SRGAP1: variants seen among roughly 807,000 people sequenced by gnomAD.
SRGAP1 encodes the protein SLIT-ROBO Rho GTPase activating protein 1, also known as SLIT-ROBO Rho GTPase-activating protein 1.
Under a neutral mutation model 121.9 loss-of-function variants are expected in SRGAP1, and 43 were observed. The ratio of observed to expected loss-of-function variants is 0.35; its 90% CI spans 0.28 to 0.46. SRGAP1 has a LOEUF of 0.46. Among genes scored for constraint, SRGAP1 ranks in the 20% least tolerant of loss-of-function variants. The pLI, the probability that SRGAP1 is intolerant of heterozygous loss-of-function variation, is 1.00. For missense variants in SRGAP1, 1,102 were observed against 1,350.9 expected, an observed-to-expected ratio of 0.82 and a Z score of 2.89; for synonymous variants, 447 against 485.4, an observed-to-expected ratio of 0.92 and a Z score of 1.04.
intron 8 of SRGAP1, among the ~76,000 whole-genome samples, chr12:64,075,361 T>TTGG (rs1450739770): frequency 2.0e-5 from 3 of 152,234 alleles, no homozygotes; most frequent in Non-Finnish European, 4.4e-5. Flanking sequence ...GTTTTCCGAC[T>TTGG]TGGGCGGGCC....
chr12:64,026,935 T>C (rs567941859), intron 4 of SRGAP1, among the ~76,000 whole-genome samples: 29 of 152,020 alleles, frequency 1.9e-4, no homozygotes, highest in African/African-American at 6.8e-4. Context: ...CTCAGAGAGA[T>C]TAAGTGATTC....
rs539144147 is a variant in SRGAP1 at position 64,148,600 on chromosome 12, A to G, written c.*5928A>G. ...GCATCTGGCCAGGTATTTTTCTTTA[A>G]ATATAAAAAAAAGATAACTTGAGGT... is the stretch of plus-strand genomic sequence containing the variant. On this transcript the variant is annotated 3_prime_UTR_variant, in exon 22 of 22. Coordinates refer to ENST00000355086, the MANE Select transcript of SRGAP1 (RefSeq NM_020762.4). The G allele has an allele frequency of 6.6e-6, 1 of 151,750 alleles. No individual in the cohort carries two copies. The allele number at this position is 151,750 out of a possible 1,614,324, so 9.4% of individuals were successfully genotyped here.
At chr12:63,866,078 C>T (rs1899620335) in intron 1 of SRGAP1, among the ~76,000 whole-genome samples, 1 of 152,130 alleles carries the variant, frequency 6.6e-6, no homozygotes, top group African/African-American at 2.4e-5. Flanking sequence ...TTTTGCTCAG[C>T]TCATGAGGCA....
intron 1 of SRGAP1, among the ~76,000 whole-genome samples, chr12:63,949,186 T>TATTTTTTCTATATATATA (rs57672780): frequency 1.6e-5 from 2 of 124,318 alleles, no homozygotes; most frequent in Non-Finnish European, 1.7e-5. Context: ...TCCATATATA[T>TATTTTTTCTATATATATA]TTTTTTTTCC....
intron 1 of SRGAP1, among the ~76,000 whole-genome samples, chr12:63,961,470 C>A (rs1052639920): frequency 1.3e-5 from 2 of 152,194 alleles, no homozygotes; most frequent in South Asian, 2.1e-4. Context: ...CAGTCTTGGG[C>A]TGTATGGATG....
intron 15 of SRGAP1, among the ~76,000 whole-genome samples, chr12:64,101,350 T>TGTGTGTGTGA (rs1244966634): frequency 2.0e-5 from 3 of 150,196 alleles, no homozygotes; most frequent in Non-Finnish European, 3.0e-5. Context: ...TGTGTGTGTG[T>TGTGTGTGTGA]GATGAGTAGT....
At position 64,031,833 on chromosome 12, in the gene SRGAP1, C is replaced by G. The variant is rs145632473; in HGVS notation, c.490-10957C>G. Among the ~76,000 whole-genome samples, 376 of 152,280 alleles carry G rather than the reference C, an allele frequency of 2.5e-3. 2 individuals carry two copies. The highest frequency in any genetic ancestry group is 4.7e-3 in the Non-Finnish European group (319 of 68,034). On this transcript the variant is annotated intron_variant, in intron 4 of 21. Coordinates refer to ENST00000355086, the MANE Select transcript of SRGAP1 (RefSeq NM_020762.4). ...GAGGTATAAAGTTAGATTTGATTGT[C>G]TCCCTAATTTTGATCCTGTAGAGAG...
intron 15 of SRGAP1, among the ~76,000 whole-genome samples, chr12:64,102,980 G>C (rs1186337690): frequency 6.6e-6 from 1 of 152,022 alleles, no homozygotes; most frequent in East Asian, 1.9e-4. Context: ...TCTCAATAAA[G>C]CTGTTGTTAA....
intron 20 of SRGAP1, 41 bp downstream of exon 20, chr12:64,127,765 C>T (rs747418963): frequency 8.7e-6 from 14 of 1,608,214 alleles, no homozygotes; most frequent in Non-Finnish European, 1.1e-5. Flanking sequence ...GCCTCCGCTC[C>T]TCCTGGGGCC....
chr12:63,966,045 C>G (rs1592989064), intron 1 of SRGAP1, among the ~76,000 whole-genome samples: 1 of 152,318 alleles, frequency 6.6e-6, no homozygotes, highest in East Asian at 1.9e-4. Flanking sequence ...GTCTTGAACT[C>G]CTGACCTCAA....
At chr12:64,071,675 G>C (rs1375563052) in intron 8 of SRGAP1, among the ~76,000 whole-genome samples, 1 of 152,174 alleles carries the variant, frequency 6.6e-6, no homozygotes, top group East Asian at 1.9e-4. Flanking sequence ...AGACACAGCT[G>C]AAGGCAGAGA....
rs189049280 is a variant in SRGAP1, at chr12:64,154,654, C to T, written c.*11982C>T. The stretch of plus-strand genomic sequence containing the variant: ...GCCAGGATGTACAACCAAGTATTCA[C>T]GTTTGAATTTATTTAATTTAAGATA... On this transcript the variant is annotated 3_prime_UTR_variant, in exon 22 of 22. Coordinates refer to ENST00000355086, the MANE Select transcript of SRGAP1 (RefSeq NM_020762.4). 21 of 152,040 alleles carry T rather than the reference C, an allele frequency of 1.4e-4. No homozygotes were observed. The highest frequency in any genetic ancestry group is 4.2e-4 in the South Asian group (2 of 4,790). 9.4% of individuals were successfully genotyped at this position (152,040 alleles called of 1,614,324 possible).
intron 17 of SRGAP1, among the ~76,000 whole-genome samples, chr12:64,113,552 A>G (rs1360495211): frequency 6.6e-6 from 1 of 152,206 alleles, no homozygotes; most frequent in East Asian, 1.9e-4. Context: ...GAGGTGATGG[A>G]TATCCCAGTT....
At chr12:64,114,292 T>C (rs1250166129) in intron 17 of SRGAP1, among the ~76,000 whole-genome samples, 1 of 151,948 alleles carries the variant, frequency 6.6e-6, no homozygotes, top group Non-Finnish European at 1.5e-5. Context: ...ATTTTCATCA[T>C]TGTATTTGTT....
chr12:63,948,389 C>A (rs2032119928), intron 1 of SRGAP1, among the ~76,000 whole-genome samples: 2 of 152,178 alleles, frequency 1.3e-5, no homozygotes, highest in East Asian at 3.9e-4. Context: ...AAAATAATCA[C>A]TGGCTTCTCA....
intron 1 of SRGAP1, among the ~76,000 whole-genome samples, chr12:63,928,523 A>G (rs1158691791): frequency 6.6e-6 from 1 of 152,128 alleles, no homozygotes; most frequent in African/African-American, 2.4e-5. Context: ...TATTCATACA[A>G]GCCCTAACAT....
chr12:64,041,864 T>C (rs1184323447), intron 4 of SRGAP1, among the ~76,000 whole-genome samples: 1 of 142,352 alleles, frequency 7.0e-6, no homozygotes, highest in Non-Finnish European at 1.5e-5. Context: ...TTATTTTCTT[T>C]ATTTTCTTTT....
Position 64,091,326 on chromosome 12 carries a change from G to A in SRGAP1, c.1487G>A (p.Arg496His), listed in dbSNP as rs149964620. ...KPQKHRKSRP[R>H]SQYNTKLFNG... ...CAGAAACACAGGAAGTCCAGGCCCC[G>A]CTCACAGTATAATACTAAGTTGTTT... The change falls in exon 12 of 22, where the codon CGC (arginine) becomes CAC (histidine). Residue 496 changes from arginine to histidine, a missense_variant. Transcript: ENST00000355086. 3.5e-5 allele frequency: 56 copies of A among 1,610,622 alleles called. 1 individual carries two copies. The Middle Eastern group carries it at 8.2e-4, about 24-fold the overall frequency.
chr12:64,012,307 AATTGAAGTTCTATCC>A (rs2034274708), intron 3 of SRGAP1, among the ~76,000 whole-genome samples: 3 of 152,152 alleles, frequency 2.0e-5, no homozygotes, highest in Admixed American at 2.0e-4. Flanking sequence ...ATGTTAACTG[AATTGAAGTTCTATCC>A]ATTTTCCTTC....
Sources: allele counts gnomAD v4.1 joint callset (sites outside exome capture counted in the v4.1 genomes callset), GRCh38; gene constraint gnomAD v4.1.1; transcripts MANE v1.5; gene names NCBI Gene and HGNC (gene_info 2026-07-23, HGNC 2026-07-21).